SLC24A3: variants seen among roughly 807,000 people sequenced by gnomAD.
SLC24A3 encodes sodium/potassium/calcium exchanger 3.
A neutral mutation model predicts 75.8 loss-of-function variants in SLC24A3; 28 were observed. The observed-to-expected ratio is 0.37, with a 90% CI of 0.27 to 0.51. The LOEUF (loss-of-function observed/expected upper bound fraction) is 0.51, where lower values mean the gene tolerates loss of function less well. Among genes scored for constraint, SLC24A3 ranks in the 20% least tolerant of loss-of-function variants. The pLI is 0.94. For missense variants in SLC24A3, 663 were observed against 847.8 expected (o/e 0.78, Z 2.71); for synonymous variants, 372 against 334.1 (o/e 1.11, Z -1.24).
intron 15 of SLC24A3, among the ~76,000 whole-genome samples, chr20:19,708,602 G>A (rs769418340): frequency 6.6e-6 from 1 of 152,188 alleles, no homozygotes; most frequent in African/African-American, 2.4e-5. Flanking sequence ...GCGATGCCAC[G>A]TTGGTAGCTT....
chr20:19,325,432 G>C (rs958187806), intron 2 of SLC24A3, among the ~76,000 whole-genome samples: 8 of 151,708 alleles, frequency 5.3e-5, no homozygotes, highest in Admixed American at 2.6e-4. Context: ...GGTGACGACC[G>C]TGAGACCCTG....
chr20:19,320,443 T>C (rs1984682502), intron 2 of SLC24A3, among the ~76,000 whole-genome samples: 1 of 152,132 alleles, frequency 6.6e-6, no homozygotes. Context: ...CCTAGCTTTG[T>C]TCATGGGATG....
At chr20:19,441,599 T>C (rs1987300214) in intron 2 of SLC24A3, among the ~76,000 whole-genome samples, 1 of 152,196 alleles carries the variant, frequency 6.6e-6, no homozygotes, top group Non-Finnish European at 1.5e-5. Flanking sequence ...CACTTACCCA[T>C]CTACCCCCGT....
At chr20:19,651,426 C>A (rs1442994550) in intron 6 of SLC24A3, among the ~76,000 whole-genome samples, 1 of 143,886 alleles carries the variant, frequency 6.9e-6, no homozygotes, top group South Asian at 2.2e-4. Flanking sequence ...TATCTGCTTT[C>A]CTCTCCTCTG....
At chr20:19,518,183 G>T (rs772174610) in intron 3 of SLC24A3, among the ~76,000 whole-genome samples, 1 of 152,224 alleles carries the variant, frequency 6.6e-6, no homozygotes, top group African/African-American at 2.4e-5. Context: ...TCTGGCATTT[G>T]ACTGGCCAGC....
chr20:19,465,977 T>C (rs1201025872), intron 2 of SLC24A3, among the ~76,000 whole-genome samples: 1 of 152,198 alleles, frequency 6.6e-6, no homozygotes, highest in African/African-American at 2.4e-5. Context: ...GCCAGTCCTC[T>C]TTAGGTAGTC....
intron 8 of SLC24A3, among the ~76,000 whole-genome samples, chr20:19,671,101 C>T (rs964751390): frequency 6.6e-6 from 1 of 152,064 alleles, no homozygotes; most frequent in Non-Finnish European, 1.5e-5. Flanking sequence ...GAGAGAAAGT[C>T]GGGCAGGGGC....
At chr20:19,363,867 C>T (rs920952246) in intron 2 of SLC24A3, among the ~76,000 whole-genome samples, 2 of 152,112 alleles carry the variant, frequency 1.3e-5, no homozygotes, top group Admixed American at 6.5e-5. Flanking sequence ...TGAGAGGGGC[C>T]ATTGGGTCCA....
At chr20:19,295,243 G>A (rs961141399) in intron 2 of SLC24A3, among the ~76,000 whole-genome samples, 1 of 152,164 alleles carries the variant, frequency 6.6e-6, no homozygotes, top group Admixed American at 6.5e-5. Flanking sequence ...TTGCTTGTCA[G>A]CTTAAGAAGC....
intron 6 of SLC24A3, among the ~76,000 whole-genome samples, chr20:19,590,964 C>G (rs999822319): frequency 1.3e-5 from 2 of 152,208 alleles, no homozygotes; most frequent in African/African-American, 4.8e-5. Context: ...AGGCCCCAGT[C>G]TTATGACTGA....
chr20:19,238,052 A>T (rs1449519554), intron 1 of SLC24A3, among the ~76,000 whole-genome samples: 1 of 152,218 alleles, frequency 6.6e-6, no homozygotes, highest in Non-Finnish European at 1.5e-5. Context: ...TATGTACAGA[A>T]AAGGGTATCT....
chr20:19,540,214 C>T (rs980994543), intron 3 of SLC24A3, among the ~76,000 whole-genome samples: 1 of 152,150 alleles, frequency 6.6e-6, no homozygotes, highest in Admixed American at 6.5e-5. Flanking sequence ...CCAGCATGAC[C>T]CATCCCAAGC....
intron 3 of SLC24A3, among the ~76,000 whole-genome samples, chr20:19,542,986 A>T (rs1170777956): frequency 6.6e-6 from 1 of 152,174 alleles, no homozygotes; most frequent in Non-Finnish European, 1.5e-5. Context: ...ATGCAGCCTT[A>T]AAGAAAGGGT....
At chr20:19,609,408 T>C (rs1298029026) in intron 6 of SLC24A3, among the ~76,000 whole-genome samples, 4 of 152,164 alleles carry the variant, frequency 2.6e-5, no homozygotes, top group Non-Finnish European at 4.4e-5. Context: ...ATTTATTTAT[T>C]TTTTAATTTT....
At chr20:19,649,197 C>T (rs2032172110) in intron 6 of SLC24A3, among the ~76,000 whole-genome samples, 1 of 152,206 alleles carries the variant, frequency 6.6e-6, no homozygotes, top group African/African-American at 2.4e-5. Flanking sequence ...TGCTAACACG[C>T]CCCCTCTGCC....
intron 2 of SLC24A3, among the ~76,000 whole-genome samples, chr20:19,289,237 G>T (rs6035273): frequency 2.0e-5 from 3 of 151,930 alleles, no homozygotes; most frequent in Non-Finnish European, 4.4e-5. Context: ...TTTTCCTTTC[G>T]TATGTTAGGG....
chr20:19,490,621 A>T (rs895570182), intron 2 of SLC24A3, among the ~76,000 whole-genome samples: 3 of 152,208 alleles, frequency 2.0e-5, no homozygotes, highest in African/African-American at 4.8e-5. Flanking sequence ...TAAGATTGGG[A>T]TGTTAGGGTG....
intron 6 of SLC24A3, among the ~76,000 whole-genome samples, chr20:19,590,156 A>C (rs920612029): frequency 5.3e-5 from 8 of 151,362 alleles, no homozygotes; most frequent in African/African-American, 1.9e-4. Context: ...AGTAATGGCA[A>C]AAACCGCAAT....
intron 13 of SLC24A3, chr20:19,695,790 A>G (rs1331454935): frequency 3.3e-5 from 5 of 152,114 alleles, no homozygotes; most frequent in African/African-American, 1.2e-4. Context: ...TCCATTGCCT[A>G]TCATTCCACA....
Sources: gnomAD v4.1 joint callset for allele counts (sites outside exome capture counted in the v4.1 genomes callset) on GRCh38, gnomAD v4.1.1 for gene constraint, MANE v1.5 for transcripts, NCBI Gene and HGNC (gene_info 2026-07-23, HGNC 2026-07-21) for gene names.